The following PTPRK variants were observed in gnomAD, a reference collection of about 807,000 sequenced individuals.
PTPRK encodes the protein receptor-type tyrosine-protein phosphatase kappa.
A neutral mutation model predicts 178.0 loss-of-function variants in PTPRK; 75 were observed. The observed-to-expected ratio is 0.42, with a 90% confidence interval of 0.35 to 0.51. The LOEUF is 0.51. Ranked by LOEUF, PTPRK falls within the 20% of genes least tolerant of loss-of-function variation. The probability of loss-of-function intolerance (pLI) is 0.02; values close to 1 mark genes in which losing one functional copy is unlikely to be tolerated. For missense variants in PTPRK, 1,441 were observed against 1,797.8 expected, an observed-to-expected ratio of 0.80 and a Z score of 3.59; for synonymous variants, 637 against 620.6, an observed-to-expected ratio of 1.03 and a Z score of -0.39.
At chr6:128,345,853 T>C (rs756959525) in intron 2 of PTPRK, among the ~76,000 whole-genome samples, 1 of 152,188 alleles carries the variant, frequency 6.6e-6, no homozygotes, top group African/African-American at 2.4e-5. Flanking sequence ...AATCTAAATG[T>C]ATAAGCCTTA....
At chr6:127,996,270 GTTAAAACAAT>G (rs1777142063) in intron 17 of PTPRK, among the ~76,000 whole-genome samples, 1 of 152,076 alleles carries the variant, frequency 6.6e-6, no homozygotes. Flanking sequence ...TGATGGAAGT[GTTAAAACAAT>G]TTATAACTGA....
chr6:128,458,402 G>A (rs1848644245), intron 1 of PTPRK, among the ~76,000 whole-genome samples: 1 of 152,264 alleles, frequency 6.6e-6, no homozygotes, highest in African/African-American at 2.4e-5. Context: ...TGAGTATGCA[G>A]TCATAAATAC....
At chr6:127,978,442 GA>G (rs1469280644) in intron 25 of PTPRK, among the ~76,000 whole-genome samples, 5 of 152,108 alleles carry the variant, frequency 3.3e-5, no homozygotes, top group African/African-American at 7.2e-5. Context: ...ACCATGAGAA[GA>G]AGGACGGGTT....
At chr6:128,080,504 A>G (rs1216958811) in intron 10 of PTPRK, among the ~76,000 whole-genome samples, 1 of 152,082 alleles carries the variant, frequency 6.6e-6, no homozygotes, top group African/African-American at 2.4e-5. Context: ...GATGGAAGAA[A>G]AGGAGCAGTG....
At chr6:128,256,859 G>T in intron 3 of PTPRK, among the ~76,000 whole-genome samples, 1 of 152,166 alleles carries the variant, frequency 6.6e-6, no homozygotes, top group African/African-American at 2.4e-5. Context: ...ATTTGCAAAA[G>T]ACTGACAAGA....
chr6:128,199,346 A>T (rs1043815310), intron 6 of PTPRK, among the ~76,000 whole-genome samples: 2 of 152,156 alleles, frequency 1.3e-5, no homozygotes, highest in Non-Finnish European at 2.9e-5. Flanking sequence ...GAATGAGAGA[A>T]ACCAGATAAG....
chr6:128,220,470 C>A (rs1359574102), intron 5 of PTPRK, among the ~76,000 whole-genome samples: 1 of 152,176 alleles, frequency 6.6e-6, no homozygotes, highest in Non-Finnish European at 1.5e-5. Flanking sequence ...ATTCTAACTA[C>A]CCCTGGTATC....
chr6:128,497,902 A>C (rs1417303874), intron 1 of PTPRK, among the ~76,000 whole-genome samples: 1 of 152,182 alleles, frequency 6.6e-6, no homozygotes, highest in Non-Finnish European at 1.5e-5. Flanking sequence ...TTTTAAAAGA[A>C]TATGTTGTGT....
chr6:128,021,532 A>G (rs1458967743), intron 13 of PTPRK, among the ~76,000 whole-genome samples: 1 of 152,204 alleles, frequency 6.6e-6, no homozygotes, highest in East Asian at 1.9e-4. Context: ...GCTACTCGGG[A>G]GGGAGGCTGA....
At chr6:128,105,118 C>A (rs993939926) in intron 7 of PTPRK, among the ~76,000 whole-genome samples, 105 of 151,732 alleles carry the variant, frequency 6.9e-4, no homozygotes, top group African/African-American at 2.3e-3. Flanking sequence ...AAACGTATTA[C>A]CTCACTTATT....
intron 4 of PTPRK, 129 bp downstream of exon 4, chr6:128,242,392 A>G (rs895436545): frequency 6.4e-6 from 8 of 1,242,138 alleles, no homozygotes; most frequent in East Asian, 5.5e-5. Context: ...TTAAAACTCA[A>G]TAGAAGGCTA....
chr6:128,042,344 T>A (rs557566153), intron 13 of PTPRK, among the ~76,000 whole-genome samples: 1 of 152,072 alleles, frequency 6.6e-6, no homozygotes, highest in African/African-American at 2.4e-5. Flanking sequence ...ATATTTTATA[T>A]ATTTGAGAGA....
intron 7 of PTPRK, among the ~76,000 whole-genome samples, chr6:128,146,341 T>C (rs1382732311): frequency 1.3e-5 from 2 of 152,132 alleles, no homozygotes; most frequent in Admixed American, 6.6e-5. Context: ...AAAACTCCAA[T>C]GTACTTCTTT....
intron 7 of PTPRK, among the ~76,000 whole-genome samples, chr6:128,140,190 T>C (rs1010253815): frequency 1.3e-5 from 2 of 152,188 alleles, no homozygotes; most frequent in South Asian, 2.1e-4. Flanking sequence ...GCTGAACATG[T>C]TATTTTACAT....
At chr6:128,212,383 G>A (rs967216596) in intron 6 of PTPRK, among the ~76,000 whole-genome samples, 6 of 151,950 alleles carry the variant, frequency 3.9e-5, no homozygotes, top group Admixed American at 6.6e-5. Flanking sequence ...AGTTCAAATG[G>A]ACACTGTTTC....
intron 5 of PTPRK, among the ~76,000 whole-genome samples, chr6:128,223,155 A>G (rs959346191): frequency 1.3e-5 from 2 of 149,712 alleles, no homozygotes; most frequent in Non-Finnish European, 2.9e-5. Flanking sequence ...TGTCTCATTT[A>G]TATATATTTT....
At chr6:128,111,387 T>C (rs936604743) in intron 7 of PTPRK, among the ~76,000 whole-genome samples, 1 of 152,162 alleles carries the variant, frequency 6.6e-6, no homozygotes, top group Admixed American at 6.6e-5. Flanking sequence ...ATCATTCTTG[T>C]TGACCTGTAA....
At chr6:128,162,374 A>T (rs564291277) in intron 7 of PTPRK, among the ~76,000 whole-genome samples, 61 of 151,594 alleles carry the variant, frequency 4.0e-4, no homozygotes, top group Non-Finnish European at 7.8e-4. Flanking sequence ...TTGTGCATGA[A>T]AGAGAAAATG....
rs926814567 is a variant in PTPRK, at chr6:127,981,342, AT to A, written c.3538-54del. The A allele has an allele frequency of 8.8e-6, 13 of 1,474,830 alleles. No homozygotes were observed. In the African/African-American group the frequency reaches 1.8e-4, roughly 21 times the overall value. 91.4% of individuals were successfully genotyped at this position (1,474,830 alleles called of 1,614,324 possible). A position where few individuals can be genotyped will look rare whatever the true frequency, so the allele number is the denominator to read the frequency against. On this transcript the variant is annotated intron_variant, in intron 24 of 29. Coordinates refer to ENST00000368226, the MANE Select transcript of PTPRK (RefSeq NM_002844.4). ...AAGACAGTGTGACCCATTTAACAGT[AT>A]AACACAGATCCATCAGGAATTTAGA... is the stretch of plus-strand genomic sequence containing the variant.
Sources: allele counts gnomAD v4.1 joint callset (sites outside exome capture counted in the v4.1 genomes callset), GRCh38; gene constraint gnomAD v4.1.1; transcripts MANE v1.5; gene names NCBI Gene and HGNC (gene_info 2026-07-23, HGNC 2026-07-21).